Variants in HEBP1 observed in about 807,000 individuals in gnomAD.
HEBP1 encodes the protein heme-binding protein 1.
Under a neutral mutation model 20.4 loss-of-function variants are expected in HEBP1, and 13 were observed. The observed-to-expected ratio is 0.64, with a 90% CI of 0.42 to 1.01. The LOEUF is 1.01. Ranked by LOEUF, HEBP1 falls within the 50% of genes least tolerant of loss-of-function variation. The probability of loss-of-function intolerance (pLI) is 0.00; values close to 1 mark genes in which losing one functional copy is unlikely to be tolerated. For missense variants in HEBP1, 241 were observed against 247.3 expected (o/e 0.97, Z 0.17); for synonymous variants, 92 against 90.7 (o/e 1.01, Z -0.08).
intron 3 of HEBP1, among the ~76,000 whole-genome samples, chr12:12,975,684 T>A (rs1456736636): frequency 6.6e-6 from 1 of 152,120 alleles, no homozygotes; most frequent in Non-Finnish European, 1.5e-5. Context: ...ATATATTTTC[T>A]TTTTCCTCTA....
At chr12:12,981,353 G>A (rs559998926) in intron 3 of HEBP1, among the ~76,000 whole-genome samples, 1 of 152,270 alleles carries the variant, frequency 6.6e-6, no homozygotes, top group East Asian at 1.9e-4. Context: ...GCTTAGGAGA[G>A]AAGGCAGCAT....
intron 3 of HEBP1, chr12:12,983,233 A>T (rs1315989291): frequency 6.4e-6 from 1 of 155,076 alleles, no homozygotes; most frequent in East Asian, 1.9e-4. Flanking sequence ...ACTTAAGTGC[A>T]TAGAGAAAGG....
At chr12:12,991,451 T>C (rs950574092) in intron 1 of HEBP1, among the ~76,000 whole-genome samples, 1 of 152,156 alleles carries the variant, frequency 6.6e-6, no homozygotes, top group African/African-American at 2.4e-5. Context: ...TTCACACAAA[T>C]CCTTCTTTCA....
At chr12:12,993,571 C>T (rs1864255281) in intron 1 of HEBP1, among the ~76,000 whole-genome samples, 2 of 150,424 alleles carry the variant, frequency 1.3e-5, no homozygotes, top group Admixed American at 1.3e-4. Context: ...TCTTTAGCCA[C>T]TGTGTTAGAT....
intron 3 of HEBP1, chr12:12,980,001 G>A (rs991645587): frequency 1.8e-4 from 27 of 152,232 alleles, no homozygotes; most frequent in African/African-American, 6.5e-4. Context: ...ATTTTTTAGG[G>A]AGTGTCTGGT....
intron 1 of HEBP1, among the ~76,000 whole-genome samples, chr12:12,991,821 A>C (rs1052244802): frequency 6.6e-6 from 1 of 152,020 alleles, no homozygotes; most frequent in African/African-American, 2.4e-5. Context: ...TACTGGAGTG[A>C]ATTTTATTCC....
At chr12:12,981,528 C>T (rs1198070553) in intron 3 of HEBP1, among the ~76,000 whole-genome samples, 1 of 152,110 alleles carries the variant, frequency 6.6e-6, no homozygotes, top group African/African-American at 2.4e-5. Context: ...GGCTTTTGGA[C>T]ATGAGGTGGC....
intron 1 of HEBP1, among the ~76,000 whole-genome samples, chr12:12,993,919 G>A (rs925966613): frequency 2.6e-5 from 4 of 152,180 alleles, no homozygotes; most frequent in Non-Finnish European, 5.9e-5. Context: ...TGGGGCATGG[G>A]TGTATGTGAT....
At chr12:12,983,683 C>T (rs1256791001) in intron 3 of HEBP1, 6 of 455,898 alleles carry the variant, frequency 1.3e-5, no homozygotes, top group Non-Finnish European at 2.2e-5. Flanking sequence ...TGTGAGAACT[C>T]CGTGTTAAAA....
intron 2 of HEBP1, 23 bp downstream of exon 2, chr12:12,989,254 C>T: frequency 6.2e-7 from 1 of 1,612,982 alleles, no homozygotes; most frequent in South Asian, 1.1e-5. Flanking sequence ...GAGACCAGAG[C>T]CACATCCTGC....
intron 3 of HEBP1, among the ~76,000 whole-genome samples, chr12:12,982,960 T>TAGG (rs1395971606): frequency 1.3e-5 from 2 of 152,158 alleles, no homozygotes; most frequent in Non-Finnish European, 2.9e-5. Context: ...CCATAAAAGC[T>TAGG]AGGTACTCAT....
Position 12,998,091 on chromosome 12 carries a change from C to T in HEBP1, c.78+1946G>A, listed in dbSNP as rs1864312836. ...AGCCTATGCACAACTATGTCAGTTT[C>T]CCTACTCAAAATCACAGCCTCACTC... On this transcript the variant is annotated intron_variant, in intron 1 of 3. Transcript: ENST00000014930. The surrounding 1 kb of genome is among the most constrained non-coding windows in gnomAD (Gnocchi z 4.2). Among the ~76,000 whole-genome samples, 1 of 151,984 alleles carries T rather than the reference C, an allele frequency of 6.6e-6. No individual in the cohort carries two copies. Among genetic ancestry groups the T allele is most frequent in the Non-Finnish European group, 1.5e-5 (1 of 68,020 alleles).
At position 12,989,261 on chromosome 12, in the gene HEBP1, C is replaced by CT. The variant is rs1472881276; in HGVS notation, c.217+15dup. ...TGGTCCCCGAGACCAGAGCCACATCCTGCAGGGGTACTCACCCTTGTCATT... is the reference window on the plus strand; with the variant it reads ...TGGTCCCCGAGACCAGAGCCACATCCTTGCAGGGGTACTCACCCTTGTCATT... On this transcript the variant is annotated intron_variant, in intron 2 of 3. Transcript: ENST00000014930. 4 of 1,613,554 alleles carry CT rather than the reference C, an allele frequency of 2.5e-6. No homozygotes were observed. The highest frequency in any genetic ancestry group is 3.3e-5 in the Admixed American group (2 of 60,020).
intron 3 of HEBP1, among the ~76,000 whole-genome samples, chr12:12,981,218 C>G (rs1864077991): frequency 1.3e-5 from 2 of 152,154 alleles, no homozygotes; most frequent in South Asian, 4.1e-4. Flanking sequence ...GGGACCATCA[C>G]TAAGACAGAG....
intron 3 of HEBP1, among the ~76,000 whole-genome samples, chr12:12,982,479 A>AC: frequency 6.6e-6 from 1 of 152,050 alleles, no homozygotes; most frequent in East Asian, 1.9e-4. Context: ...TAATGTGGGA[A>AC]CCCCCTAAGA....
At chr12:12,977,460 A>T (rs1441824182) in intron 3 of HEBP1, 1 of 152,272 alleles carries the variant, frequency 6.6e-6, no homozygotes, top group Non-Finnish European at 1.5e-5. Context: ...CTGTGGTCCC[A>T]GCTACTTGGG....
rs577978834 is a variant in HEBP1 at position 13,000,123 on chromosome 12, C to T, written c.-9G>A. 17 of 1,597,594 alleles carry T rather than the reference C, an allele frequency of 1.1e-5. No homozygotes were observed. The African/African-American group carries it at 1.9e-4, about 18-fold the overall frequency. The stretch of plus-strand genomic sequence containing the variant: ...TTGATCATGCCCAACATGTTGTAGC[C>T]GAGACGCTCCCGACGCACGGGAGGA... On this transcript the variant is annotated 5_prime_UTR_variant, in exon 1 of 4. Coordinates refer to ENST00000014930, the MANE Select transcript of HEBP1 (RefSeq NM_015987.5).
At chr12:12,999,582 T>C (rs979546452) in intron 1 of HEBP1, among the ~76,000 whole-genome samples, 2 of 152,204 alleles carry the variant, frequency 1.3e-5, no homozygotes, top group Admixed American at 1.3e-4. Context: ...TTCCATTTAA[T>C]AGTTATGGAC....
intron 1 of HEBP1, among the ~76,000 whole-genome samples, chr12:12,993,983 G>A (rs1344278930): frequency 1.3e-5 from 2 of 152,146 alleles, no homozygotes; most frequent in African/African-American, 4.8e-5. Context: ...TCACCCAACC[G>A]GACGTTCAGT....
Sources: gnomAD v4.1 joint callset for allele counts (sites outside exome capture counted in the v4.1 genomes callset) on GRCh38, gnomAD v4.1.1 for gene constraint, Gnocchi (gnomAD v3.1) non-coding constraint, MANE v1.5 for transcripts, NCBI Gene and HGNC (gene_info 2026-07-23, HGNC 2026-07-21) for gene names.